The following TMOD3 variants were observed in gnomAD, a reference collection of about 807,000 sequenced individuals.
TMOD3 encodes tropomodulin-3.
TMOD3 carries 20 observed loss-of-function variants against 39.2 expected under a neutral mutation model. The observed-to-expected ratio is 0.51, with a 90% CI of 0.36 to 0.74. TMOD3 has a LOEUF of 0.74. TMOD3 is among the 30% of genes least tolerant of loss of function. The pLI is 0.00. For synonymous variants in TMOD3, 143 were observed against 145.8 expected, an observed-to-expected ratio of 0.98 and a Z score of 0.14; for missense variants, 381 against 412.8, an observed-to-expected ratio of 0.92 and a Z score of 0.67.
At chr15:51,842,994 T>A (rs548367946) in intron 1 of TMOD3, among the ~76,000 whole-genome samples, 38 of 152,320 alleles carry the variant, frequency 2.5e-4, no homozygotes, top group Non-Finnish European at 5.1e-4. Flanking sequence ...CTTCACCATG[T>A]AAGAGTGAGG....
rs2056695977 is a variant in TMOD3 at position 51,908,899 on chromosome 15, G to A, written c.*89G>A. 2 of 1,085,524 alleles carry A rather than the reference G, an allele frequency of 1.8e-6. No homozygotes were observed. The highest frequency in any genetic ancestry group is 1.6e-5 in the African/African-American group (1 of 61,668). 67.2% of individuals were successfully genotyped at this position (1,085,524 alleles called of 1,614,324 possible). On this transcript the variant is annotated 3_prime_UTR_variant, in exon 10 of 10. Coordinates refer to ENST00000308580, the MANE Select transcript of TMOD3 (RefSeq NM_014547.5). ...CATGTAAAATTTTCCTGGGTAGAAG[G>A]GAAAAGACTGGAAAAATTTTTTTAG...
At chr15:51,831,006 G>T (rs1014628323) in intron 1 of TMOD3, among the ~76,000 whole-genome samples, 3 of 152,106 alleles carry the variant, frequency 2.0e-5, no homozygotes, top group Admixed American at 6.5e-5. Flanking sequence ...CTCAGAAATT[G>T]TAGTTTGCTG....
chr15:51,851,337 T>A (rs1186832746), intron 1 of TMOD3, among the ~76,000 whole-genome samples: 7 of 152,188 alleles, frequency 4.6e-5, no homozygotes, highest in Non-Finnish European at 8.8e-5. Flanking sequence ...TGTGTAAAAA[T>A]TTTTTAAGGC....
intron 3 of TMOD3, 141 bp downstream of exon 3, chr15:51,869,514 GT>G: frequency 1.3e-6 from 1 of 768,850 alleles, no homozygotes; most frequent in Non-Finnish European, 2.1e-6. Context: ...ACATTTATTG[GT>G]TTAGATACTT....
chr15:51,890,671 G>T (rs1595907931), intron 5 of TMOD3, among the ~76,000 whole-genome samples: 1 of 152,154 alleles, frequency 6.6e-6, no homozygotes, highest in African/African-American at 2.4e-5. Context: ...ATTTTAACCC[G>T]TGTTATATAG....
At chr15:51,830,331 T>G (rs1680007694) in intron 1 of TMOD3, among the ~76,000 whole-genome samples, 1 of 152,234 alleles carries the variant, frequency 6.6e-6, no homozygotes. Context: ...ACCGGTTTGA[T>G]CTGTCTGCTC....
intron 1 of TMOD3, among the ~76,000 whole-genome samples, chr15:51,837,443 T>C (rs184033254): frequency 6.6e-6 from 1 of 152,038 alleles, no homozygotes; most frequent in Non-Finnish European, 1.5e-5. Context: ...TTTTTTCCTC[T>C]TTAATGTGCC....
intron 3 of TMOD3, among the ~76,000 whole-genome samples, chr15:51,876,791 C>A (rs769858335): frequency 6.6e-6 from 1 of 152,030 alleles, no homozygotes; most frequent in Admixed American, 6.6e-5. Context: ...AAAAATCTTC[C>A]GTCCAGGCAT....
At chr15:51,860,527 C>G in intron 1 of TMOD3, 1 of 576,018 alleles carries the variant, frequency 1.7e-6, no homozygotes, top group East Asian at 4.6e-5. Context: ...GACAAGCAGT[C>G]TTCCATTTCC....
At chr15:51,907,396 C>T (rs2056687484) in intron 9 of TMOD3, 1 of 152,170 alleles carries the variant, frequency 6.6e-6, no homozygotes. Context: ...GAACCTGATA[C>T]TTTAGTCCTT....
chr15:51,881,890 TTTTTA>T (rs1429198840), intron 3 of TMOD3, among the ~76,000 whole-genome samples: 1 of 151,862 alleles, frequency 6.6e-6, no homozygotes, highest in Non-Finnish European at 1.5e-5. Context: ...TAGGGTTTTG[TTTTTA>T]TTTTATTTAT....
chr15:51,867,818 C>T (rs1314012190), intron 2 of TMOD3, among the ~76,000 whole-genome samples: 1 of 152,126 alleles, frequency 6.6e-6, no homozygotes, highest in Non-Finnish European at 1.5e-5. Flanking sequence ...AGTGAAAGGA[C>T]GGTACTCACT....
intron 1 of TMOD3, among the ~76,000 whole-genome samples, chr15:51,835,605 A>C (rs2056278984): frequency 6.6e-6 from 1 of 152,074 alleles, no homozygotes; most frequent in Non-Finnish European, 1.5e-5. Flanking sequence ...CACCACACCC[A>C]GCCTTAGTTT....
chr15:51,912,719 A>T lies in TMOD3; in HGVS notation c.*3909A>T, dbSNP rs987651295. On this transcript the variant is annotated 3_prime_UTR_variant, in exon 10 of 10. Transcript: ENST00000308580. The stretch of plus-strand genomic sequence containing the variant: ...TTTACTCATTCTACAGTGTTACTGC[A>T]CTTTGAACGTATTGACCCATGTCAC... 6.6e-6 allele frequency: 1 copy of T among 152,102 alleles called. No individual in the cohort carries two copies. Among genetic ancestry groups the T allele is most frequent in the African/African-American group, 2.4e-5 (1 of 41,420 alleles). 9.4% of individuals were successfully genotyped at this position (152,102 alleles called of 1,614,324 possible). A position where few individuals can be genotyped will look rare whatever the true frequency, so the allele number is the denominator to read the frequency against.
chr15:51,886,904 A>G (rs1469896695), intron 3 of TMOD3, among the ~76,000 whole-genome samples: 1 of 152,180 alleles, frequency 6.6e-6, no homozygotes, highest in Non-Finnish European at 1.5e-5. Flanking sequence ...CCATGTGACA[A>G]TAACAGTTTG....
intron 6 of TMOD3, among the ~76,000 whole-genome samples, chr15:51,894,421 T>G (rs1191837359): frequency 2.0e-5 from 3 of 152,202 alleles, no homozygotes; most frequent in Non-Finnish European, 4.4e-5. Context: ...CCTGTTTTTT[T>G]GAGGTAAAAT....
intron 2 of TMOD3, among the ~76,000 whole-genome samples, chr15:51,867,138 G>T (rs143053190): frequency 2.6e-4 from 39 of 152,268 alleles, no homozygotes; most frequent in African/African-American, 8.7e-4. Flanking sequence ...TGAGGCTAGG[G>T]TGACAGACTG....
At chr15:51,831,246 G>T (rs903572807) in intron 1 of TMOD3, among the ~76,000 whole-genome samples, 2 of 152,096 alleles carry the variant, frequency 1.3e-5, no homozygotes, top group Non-Finnish European at 2.9e-5. Context: ...CCTAAATTTT[G>T]TGGTATATCC....
rs1364478943 is a variant in TMOD3 at position 51,914,781 on chromosome 15, G to A, written c.*5971G>A. 1 of 151,438 alleles carries A rather than the reference G, an allele frequency of 6.6e-6. No individual in the cohort carries two copies. Among genetic ancestry groups the A allele is most frequent in the Non-Finnish European group, 1.5e-5 (1 of 67,950 alleles). The allele number at this position is 151,438 out of a possible 1,614,324, so 9.4% of individuals were successfully genotyped here. Reference sequence around the variant, plus strand: ...AGGTTCACTCTTGTCGCCCAGGCTGGAGCGCAATGGTGCGATCTCAGCTCA... The same window carrying A: ...AGGTTCACTCTTGTCGCCCAGGCTGAAGCGCAATGGTGCGATCTCAGCTCA... On this transcript the variant is annotated 3_prime_UTR_variant, in exon 10 of 10. Coordinates refer to ENST00000308580, the MANE Select transcript of TMOD3 (RefSeq NM_014547.5).
Sources: allele counts gnomAD v4.1 joint callset (sites outside exome capture counted in the v4.1 genomes callset), GRCh38; gene constraint gnomAD v4.1.1; transcripts MANE v1.5; gene names NCBI Gene and HGNC (gene_info 2026-07-23, HGNC 2026-07-21).